UBA6: variants seen among roughly 807,000 people sequenced by gnomAD.
UBA6 encodes ubiquitin like modifier activating enzyme 6, also known as ubiquitin-like modifier-activating enzyme 6.
A neutral mutation model predicts 148.3 loss-of-function variants in UBA6; 87 were observed. The ratio of observed to expected loss-of-function variants is 0.59; its 90% CI spans 0.49 to 0.70. The LOEUF (loss-of-function observed/expected upper bound fraction) is 0.70, where lower values mean the gene tolerates loss of function less well. UBA6 is among the 30% of genes least tolerant of loss of function. The pLI, the probability that UBA6 is intolerant of heterozygous loss-of-function variation, is 0.00. For missense variants in UBA6, 1,186 were observed against 1,241.2 expected (o/e 0.96, Z 0.67); for synonymous variants, 376 against 401.0 (o/e 0.94, Z 0.75).
At chr4:67,654,339 T>C (rs1188121662) in intron 13 of UBA6, among the ~76,000 whole-genome samples, 1 of 152,216 alleles carries the variant, frequency 6.6e-6, no homozygotes, top group Non-Finnish European at 1.5e-5. Flanking sequence ...AGCGGATCTC[T>C]TGGCAGAAAC....
chr4:67,685,698 G>C (rs1730540785), intron 2 of UBA6, among the ~76,000 whole-genome samples: 1 of 152,108 alleles, frequency 6.6e-6, no homozygotes, highest in Non-Finnish European at 1.5e-5. Context: ...CTACCCTCGT[G>C]AATTGATTAA....
intron 2 of UBA6, among the ~76,000 whole-genome samples, chr4:67,686,911 G>A (rs561235400): frequency 1.3e-4 from 15 of 111,522 alleles, no homozygotes; most frequent in African/African-American, 3.6e-4. Context: ...CTATGATCAC[G>A]CCACTGCCCC....
At chr4:67,665,386 T>A in intron 9 of UBA6, 94 bp from the exon 10 acceptor site, 1 of 771,462 alleles carries the variant, frequency 1.3e-6, no homozygotes, top group Non-Finnish European at 2.1e-6. Context: ...ATCCCTAATT[T>A]ACAAAATTAA....
At chr4:67,665,408 A>G (rs1729968834) in intron 9 of UBA6, 116 bp from the exon 10 acceptor site, 5 of 601,202 alleles carry the variant, frequency 8.3e-6, no homozygotes, top group Non-Finnish European at 1.1e-5. Context: ...GAATTCCAGC[A>G]TAGTGTTTTT....
intron 27 of UBA6, among the ~76,000 whole-genome samples, chr4:67,627,885 T>G (rs28510080): frequency 2.0e-5 from 3 of 149,802 alleles, no homozygotes; most frequent in Non-Finnish European, 4.4e-5. Flanking sequence ...TCAAACTTTT[T>G]TATTTACATT....
chr4:67,640,404 T>A (rs1055551899), intron 18 of UBA6, among the ~76,000 whole-genome samples: 4 of 152,230 alleles, frequency 2.6e-5, no homozygotes, highest in Admixed American at 1.3e-4. Context: ...ATGACATTAC[T>A]AAGCTTAGTT....
intron 13 of UBA6, among the ~76,000 whole-genome samples, chr4:67,658,955 C>G (rs1729772813): frequency 1.3e-5 from 2 of 152,120 alleles, no homozygotes; most frequent in African/African-American, 4.8e-5. Flanking sequence ...TTTGAATTAA[C>G]TGCGTACATC....
Position 67,625,206 on chromosome 4 carries a change from TAAAC to T in UBA6, c.2519-23_2519-20del, listed in dbSNP as rs1216022993. On this transcript the variant is annotated intron_variant, in intron 28 of 32. Coordinates refer to ENST00000322244, the MANE Select transcript of UBA6 (RefSeq NM_018227.6). ...AGGTCACCTGATTATACCAACCAGATAAACAAAGTTCCACAGCAAGCAGTAAAGA... is the reference window on the plus strand; with the variant it reads ...AGGTCACCTGATTATACCAACCAGATAAAGTTCCACAGCAAGCAGTAAAGA... 4.5e-6 allele frequency: 7 copies of T among 1,567,314 alleles called. No homozygotes were observed. The African/African-American group carries it at 5.4e-5, about 12-fold the overall frequency.
At chr4:67,625,932 AG>A (rs1304391411) in intron 28 of UBA6, among the ~76,000 whole-genome samples, 1 of 151,962 alleles carries the variant, frequency 6.6e-6, no homozygotes, top group Non-Finnish European at 1.5e-5. Flanking sequence ...CTAAAGACTA[AG>A]AACCTAAGAA....
At chr4:67,629,044 G>A in intron 27 of UBA6, 27 bp downstream of exon 27, 1 of 1,501,920 alleles carries the variant, frequency 6.7e-7, no homozygotes, top group Non-Finnish European at 9.3e-7. Flanking sequence ...CAAACTATTT[G>A]CTGAATGAAT....
chr4:67,686,896 G>A (rs1176018788), intron 2 of UBA6, among the ~76,000 whole-genome samples: 1 of 122,814 alleles, frequency 8.1e-6, no homozygotes, highest in Non-Finnish European at 1.6e-5. Context: ...TGAGGTTACA[G>A]AGAGCTATGA....
chr4:67,668,964 A>C (rs1577825973), intron 8 of UBA6, among the ~76,000 whole-genome samples: 1 of 152,206 alleles, frequency 6.6e-6, no homozygotes, highest in Non-Finnish European at 1.5e-5. Flanking sequence ...AATTCATGTA[A>C]CTTGTAAAAA....
chr4:67,686,119 T>C (rs920706537), intron 2 of UBA6, among the ~76,000 whole-genome samples: 2 of 152,216 alleles, frequency 1.3e-5, no homozygotes, highest in African/African-American at 2.4e-5. Flanking sequence ...GCAGTGAATG[T>C]AGCAGAAATC....
In UBA6 at chr4:67,629,137, T is replaced by A; in HGVS notation, c.2334A>T (p.Leu778Phe). The A allele has an allele frequency of 6.2e-7, 1 of 1,605,488 alleles. No individual in the cohort carries two copies. The highest frequency in any genetic ancestry group is 8.5e-7 in the Non-Finnish European group (1 of 1,173,370). Residue 778 changes from leucine (L) to phenylalanine (F), a missense_variant, in exon 27 of 33, where the codon TTA becomes TTT. Coordinates refer to ENST00000322244, the MANE Select transcript of UBA6 (RefSeq NM_018227.6). ...GAATATTCAAGAGGGCATCTGCTGA[T>A]AAGTCCTGTTTTTAAAAAAGTAATT... Reference protein sequence around the residue: ...VYCIPFAEEDLSADALLNILS... With the variant: ...VYCIPFAEEDFSADALLNILS...
In UBA6 at chr4:67,623,200, A is replaced by G. The variant is rs776080865; in HGVS notation, c.2863T>C (p.Trp955Arg). The G allele has an allele frequency of 1.2e-6, 2 of 1,612,310 alleles. No homozygotes were observed. The highest frequency in any genetic ancestry group is 1.1e-5 in the South Asian group (1 of 90,912). ...TTTCCATGTACGGTCCATCGATCCC[A>G]AATTGTAAATGATATTCCATTTCTG... ...KIRNGISFTIWDRWTVHGKED... is the reference protein window; with the variant it reads ...KIRNGISFTIRDRWTVHGKED... Residue 955 changes from tryptophan (W) to arginine (R), a missense_variant, in exon 31 of 33, where the codon TGG (tryptophan) becomes CGG (arginine). By Grantham distance (101) the Trp-to-Arg change is moderately radical. Transcript: ENST00000322244.
In UBA6 at chr4:67,649,192, A is replaced by G; in HGVS notation, c.1124T>C (p.Ile375Thr). The change falls in exon 14 of 33, where the codon ATT becomes ACT. Residue 375 changes from isoleucine to threonine, a missense_variant. Transcript: ENST00000322244. ...GGCAGTCCAAGAGAGCCAATGCACAATGTCAGCATTTACATCAGGCTAAAA... is the reference window on the plus strand; with the variant it reads ...GGCAGTCCAAGAGAGCCAATGCACAGTGTCAGCATTTACATCAGGCTAAAA... ...LEEKPDVNAD[I>T]VHWLSWTAQG... The G allele has an allele frequency of 6.2e-7, 1 of 1,611,566 alleles. No homozygotes were observed. Among genetic ancestry groups the G allele is most frequent in the Non-Finnish European group, 8.5e-7 (1 of 1,178,962 alleles).
At chr4:67,642,064 T>G (rs964088563) in intron 17 of UBA6, among the ~76,000 whole-genome samples, 3 of 152,076 alleles carry the variant, frequency 2.0e-5, no homozygotes, top group African/African-American at 7.2e-5. Flanking sequence ...GAGTGTCTCT[T>G]TTAATGGAAA....
At chr4:67,639,975 A>G (rs931253596) in intron 18 of UBA6, among the ~76,000 whole-genome samples, 16 of 152,178 alleles carry the variant, frequency 1.1e-4, no homozygotes, top group Admixed American at 8.5e-4. Context: ...TACTCTAAAT[A>G]TAATTTATTC....
intron 2 of UBA6, among the ~76,000 whole-genome samples, chr4:67,693,383 AATTG>A (rs752106063): frequency 1.4e-4 from 22 of 152,016 alleles, no homozygotes; most frequent in African/African-American, 5.3e-4. Flanking sequence ...AATGTGTGTT[AATTG>A]ATTATTTACA....
Sources: gnomAD v4.1 joint callset for allele counts (sites outside exome capture counted in the v4.1 genomes callset) on GRCh38, gnomAD v4.1.1 for gene constraint, MANE v1.5 for transcripts, NCBI Gene and HGNC (gene_info 2026-07-23, HGNC 2026-07-21) for gene names.